Variants in EPHA6 observed in about 807,000 individuals in gnomAD.
The protein encoded by EPHA6 is ephrin type-A receptor 6.
A neutral mutation model predicts 112.0 loss-of-function variants in EPHA6; 50 were observed. That is an observed-to-expected ratio of 0.45 (90% confidence interval 0.36 to 0.56). EPHA6 has a LOEUF of 0.56. EPHA6 is among the 20% of genes least tolerant of loss of function. The pLI, the probability that EPHA6 is intolerant of heterozygous loss-of-function variation, is 0.00. For synonymous variants in EPHA6, 529 were observed against 490.7 expected (o/e 1.08, Z -1.03); for missense variants, 1,280 against 1,417.4 (o/e 0.90, Z 1.56).
Position 96,855,639 on chromosome 3 carries a change from A to G in EPHA6, c.386-11186A>G, listed in dbSNP as rs184171860. On this transcript the variant is annotated intron_variant, in intron 1 of 17. Coordinates refer to ENST00000389672, the MANE Select transcript of EPHA6 (RefSeq NM_001080448.3). Reference sequence around the variant, plus strand: ...CTATTTTGGAGGTTGACAGCATTAAAATAATAGTTGAAATCCCTAAACTGA... The same window carrying G: ...CTATTTTGGAGGTTGACAGCATTAAGATAATAGTTGAAATCCCTAAACTGA... Among the ~76,000 whole-genome samples, 228 of 152,212 alleles carry G rather than the reference A, an allele frequency of 1.5e-3. 2 individuals carry two copies. Among genetic ancestry groups the G allele is most frequent in the Admixed American group, 0.013 (205 of 15,270 alleles).
chr3:97,595,054 C>T (rs978882549), intron 12 of EPHA6, among the ~76,000 whole-genome samples: 1 of 152,144 alleles, frequency 6.6e-6, no homozygotes, highest in African/African-American at 2.4e-5. Context: ...TTGTGCTTCA[C>T]GTCACACTGT....
At chr3:97,227,396 T>A (rs1282979209) in intron 4 of EPHA6, among the ~76,000 whole-genome samples, 1 of 152,064 alleles carries the variant, frequency 6.6e-6, no homozygotes, top group Non-Finnish European at 1.5e-5. Flanking sequence ...AATTTTCATA[T>A]TTTTAGTAGA....
intron 5 of EPHA6, among the ~76,000 whole-genome samples, chr3:97,353,389 G>A (rs780065897): frequency 6.6e-6 from 1 of 151,896 alleles, no homozygotes; most frequent in Non-Finnish European, 1.5e-5. Flanking sequence ...AGAGCCCCCT[G>A]CTGCCATGAA....
chr3:97,478,610 T>C (rs923103592), intron 8 of EPHA6, among the ~76,000 whole-genome samples: 1 of 152,156 alleles, frequency 6.6e-6, no homozygotes, highest in East Asian at 1.9e-4. Flanking sequence ...TTTTGAAGTA[T>C]TGCTTAAGCA....
At chr3:97,550,358 G>A (rs1433742980) in intron 11 of EPHA6, among the ~76,000 whole-genome samples, 1 of 152,202 alleles carries the variant, frequency 6.6e-6, no homozygotes, top group Non-Finnish European at 1.5e-5. Context: ...GAAATGCTGT[G>A]TGGAAATAAT....
chr3:97,434,305 G>T (rs989465279), intron 6 of EPHA6, among the ~76,000 whole-genome samples: 4 of 152,022 alleles, frequency 2.6e-5, no homozygotes, highest in Non-Finnish European at 4.4e-5. Context: ...TCATATAGTA[G>T]CTTTGAGAAT....
intron 4 of EPHA6, 78 bp downstream of exon 4, chr3:97,226,497 T>A: frequency 1.5e-6 from 2 of 1,335,922 alleles, no homozygotes; most frequent in Non-Finnish European, 2.0e-6. Flanking sequence ...AAAAAATAAG[T>A]AAATGTACAA....
At chr3:97,601,507 T>A (rs1416058616) in intron 12 of EPHA6, among the ~76,000 whole-genome samples, 7 of 152,148 alleles carry the variant, frequency 4.6e-5, no homozygotes, top group African/African-American at 1.7e-4. Context: ...AAACATGTGT[T>A]GGCTCAGCCT....
In EPHA6 at chr3:97,541,941, A is replaced by C. The variant is rs1057359931; in HGVS notation, c.2386+9398A>C. On this transcript the variant is annotated intron_variant, in intron 11 of 17. Coordinates refer to ENST00000389672, the MANE Select transcript of EPHA6 (RefSeq NM_001080448.3). Reference sequence around the variant, plus strand: ...AACTCACATGATTAGAAGGTCCCACAATAGGCCATCTGCAAGCTGAGGAGC... The same window carrying C: ...AACTCACATGATTAGAAGGTCCCACCATAGGCCATCTGCAAGCTGAGGAGC... Among the ~76,000 whole-genome samples the C allele has an allele frequency of 3.3e-5, 5 of 151,824 alleles. No homozygotes were observed. In the East Asian group the frequency reaches 9.8e-4, roughly 30 times the overall value.
chr3:96,904,350 T>C (rs1292184526), intron 2 of EPHA6, among the ~76,000 whole-genome samples: 1 of 150,566 alleles, frequency 6.6e-6, no homozygotes, highest in African/African-American at 2.4e-5. Context: ...AGCAAACTAC[T>C]GCAAGGACAA....
chr3:97,447,864 G>A (rs2090402372), intron 6 of EPHA6: 1 of 853,300 alleles, frequency 1.2e-6, no homozygotes. Context: ...TGTGTTTCCA[G>A]TGCTTCTTCA....
At chr3:96,865,607 T>A (rs1299727273) in intron 1 of EPHA6, among the ~76,000 whole-genome samples, 1 of 145,410 alleles carries the variant, frequency 6.9e-6, no homozygotes, top group African/African-American at 2.6e-5. Context: ...GCCTTGAGTC[T>A]AGGAGTTCAA....
At chr3:97,337,578 C>T (rs1456347373) in intron 5 of EPHA6, among the ~76,000 whole-genome samples, 2 of 152,084 alleles carry the variant, frequency 1.3e-5, no homozygotes, top group Non-Finnish European at 2.9e-5. Context: ...AAGCAATATC[C>T]ATTGCCACAA....
intron 15 of EPHA6, among the ~76,000 whole-genome samples, chr3:97,728,298 T>A (rs915962451): frequency 6.6e-6 from 1 of 151,930 alleles, no homozygotes; most frequent in Non-Finnish European, 1.5e-5. Context: ...GAAATGGCAC[T>A]AAGTCTTAAG....
intron 3 of EPHA6, among the ~76,000 whole-genome samples, chr3:97,138,448 TA>T (rs1334428838): frequency 6.6e-6 from 1 of 152,164 alleles, no homozygotes; most frequent in Non-Finnish European, 1.5e-5. Flanking sequence ...TAGAACCACA[TA>T]ACCCATGCCT....
At chr3:96,908,599 C>T (rs2039057549) in intron 2 of EPHA6, among the ~76,000 whole-genome samples, 1 of 151,780 alleles carries the variant, frequency 6.6e-6, no homozygotes, top group African/African-American at 2.4e-5. Flanking sequence ...TTTTATCTTC[C>T]AGGATATGCT....
chr3:97,503,137 A>G (rs554898856), intron 10 of EPHA6, among the ~76,000 whole-genome samples: 2 of 152,104 alleles, frequency 1.3e-5, no homozygotes, highest in African/African-American at 4.8e-5. Flanking sequence ...TAGATAAAAG[A>G]GACAAGTTTT....
At chr3:97,728,661 A>G (rs1326153167) in intron 15 of EPHA6, among the ~76,000 whole-genome samples, 1 of 152,080 alleles carries the variant, frequency 6.6e-6, no homozygotes, top group Admixed American at 6.6e-5. Context: ...TTTGAGGTGA[A>G]AGGTACTATT....
chr3:97,278,779 G>A (rs1165302461), intron 5 of EPHA6, among the ~76,000 whole-genome samples: 1 of 151,868 alleles, frequency 6.6e-6, no homozygotes, highest in Non-Finnish European at 1.5e-5. Flanking sequence ...GGTTTCTCTA[G>A]GCACCTGATT....
Sources: allele counts gnomAD v4.1 joint callset (sites outside exome capture counted in the v4.1 genomes callset), GRCh38; gene constraint gnomAD v4.1.1; transcripts MANE v1.5; gene names NCBI Gene and HGNC (gene_info 2026-07-23, HGNC 2026-07-21).